The following BMS1 variants were observed in gnomAD, a reference collection of about 807,000 sequenced individuals.
BMS1 encodes the protein BMS1 ribosome biogenesis factor, also known as ribosome biogenesis protein BMS1 homolog.
BMS1 carries 53 observed loss-of-function variants against 138.7 expected under a neutral mutation model. The ratio of observed to expected loss-of-function variants is 0.38; its 90% CI spans 0.31 to 0.48. BMS1 has a LOEUF of 0.48. Among genes scored for constraint, BMS1 ranks in the 20% least tolerant of loss-of-function variants. The pLI, the probability that BMS1 is intolerant of heterozygous loss-of-function variation, is 0.97. For missense variants in BMS1, 1,360 were observed against 1,565.5 expected (o/e 0.87, Z 2.22); for synonymous variants, 504 against 539.9 (o/e 0.93, Z 0.92).
Position 42,823,719 on chromosome 10 carries a change from A to C in BMS1, c.3391A>C (p.Thr1131Pro), listed in dbSNP as rs2132386459. 2 of 1,596,022 alleles carry C rather than the reference A, an allele frequency of 1.3e-6. No homozygotes were observed. Among genetic ancestry groups the C allele is most frequent in the Non-Finnish European group, 1.7e-6 (2 of 1,179,588 alleles). The stretch of plus-strand genomic sequence containing the variant: ...GAAAGACACCTGGTCAGGAATGCGG[A>C]CCACGGGCCAACTCAGGCTCGCCCA... Reference protein sequence around the residue: ...GEKDTWSGMRTTGQLRLAHGV... With the variant: ...GEKDTWSGMRPTGQLRLAHGV... The change falls in exon 21 of 23, where the codon ACC (threonine) becomes CCC (proline). Residue 1131 changes from threonine (T) to proline (P), a missense_variant. This residue lies in a region of BMS1 where 425 missense variants were observed against 568.3 expected (regional missense o/e 0.75). Coordinates refer to ENST00000374518, the MANE Select transcript of BMS1 (RefSeq NM_014753.4).
rs41302247 is a variant in BMS1, at chr10:42,784,362, G to A, written c.-33G>A. Reference sequence around the variant, plus strand: ...CTTACCCCAACCTTCTTCCTTGTAGGTTAGAGTTACTTGTTATTGGTAAAT... The same window carrying A: ...CTTACCCCAACCTTCTTCCTTGTAGATTAGAGTTACTTGTTATTGGTAAAT... On this transcript the variant is annotated splice_region_variant and 5_prime_UTR_variant, in exon 2 of 23. Coordinates refer to ENST00000374518, the MANE Select transcript of BMS1 (RefSeq NM_014753.4). 2.2e-3 allele frequency: 3,487 copies of A among 1,568,572 alleles called. 97 individuals carry two copies. The South Asian group carries it at 0.032, about 15-fold the overall frequency.
intron 21 of BMS1, among the ~76,000 whole-genome samples, chr10:42,827,922 T>C (rs1219453374): frequency 6.6e-5 from 10 of 152,224 alleles, no homozygotes; most frequent in African/African-American, 1.7e-4. Flanking sequence ...ACCATATACA[T>C]GTATTTTTAA....
chr10:42,819,535 G>T (rs1417566522), intron 15 of BMS1, among the ~76,000 whole-genome samples: 1 of 152,196 alleles, frequency 6.6e-6, no homozygotes, highest in Non-Finnish European at 1.5e-5. Context: ...AGGTTCTTTT[G>T]GTTTTGGAGT....
At chr10:42,820,165 T>A in intron 15 of BMS1, 71 bp from the exon 16 acceptor site, 1 of 1,554,566 alleles carries the variant, frequency 6.4e-7, no homozygotes, top group Non-Finnish European at 8.7e-7. Context: ...AAATTGCTCA[T>A]TTGTTCATGT....
Position 42,817,420 on chromosome 10 carries a change from T to C in BMS1, c.2506T>C (p.Phe836Leu), listed in dbSNP as rs1271167450. 5.6e-6 allele frequency: 9 copies of C among 1,609,580 alleles called. No individual in the cohort carries two copies. Among genetic ancestry groups the C allele is most frequent in the Non-Finnish European group, 7.6e-6 (9 of 1,179,320 alleles). ...LDKKRKLKEM[F>L]DAEYDEGEST... The stretch of plus-strand genomic sequence containing the variant: ...TAAGAAGAGAAAATTGAAGGAGATG[T>C]TTGATGCAGAATATGATGAAGGAGA... Residue 836 changes from phenylalanine to leucine, a missense_variant, in exon 15 of 23, where the codon TTT becomes CTT. Around this residue, in one of 3 missense-constraint regions of BMS1, gnomAD observed 425 missense variants for 568.3 expected, o/e 0.75. Transcript: ENST00000374518.
At position 42,817,358 on chromosome 10, in the gene BMS1, C is replaced by T. The variant is rs767927471; in HGVS notation, c.2444C>T (p.Pro815Leu). ...AAAGAAGTTAAGGAAGAAATTGACC[C>T]CGACGAAGAAGAAAGTGCCAAGAAA... ...IEKEVKEEID[P>L]DEEESAKKKH... The change falls in exon 15 of 23, where the codon CCC becomes CTC. Residue 815 changes from proline (P) to leucine (L), a missense_variant. Pro to Leu is a moderately conservative substitution (Grantham distance 98, BLOSUM62 -3). This residue lies in a region of BMS1 where 697 missense variants were observed against 686.2 expected (regional missense o/e 1.02). Coordinates refer to ENST00000374518, the MANE Select transcript of BMS1 (RefSeq NM_014753.4). The T allele has an allele frequency of 3.7e-6, 6 of 1,607,018 alleles. No homozygotes were observed. The African/African-American group carries it at 6.7e-5, about 18-fold the overall frequency.
chr10:42,819,489 A>G (rs1842440596), intron 15 of BMS1, among the ~76,000 whole-genome samples: 1 of 152,170 alleles, frequency 6.6e-6, no homozygotes, highest in Admixed American at 6.5e-5. Flanking sequence ...ATAAGGCTGG[A>G]TATGGGAGGA....
Position 42,790,486 on chromosome 10 carries a change from A to G in BMS1, c.611A>G (p.His204Arg). ...AAGAAGACAAAGAAGCGATTAAAAC[A>G]CAGGTTCTGGACGGAAGTTTACCCG... is the stretch of plus-strand genomic sequence containing the variant. ...QLKKTKKRLKHRFWTEVYPGA... is the reference protein window; with the variant it reads ...QLKKTKKRLKRRFWTEVYPGA... The change falls in exon 5 of 23, where the codon CAC (histidine) becomes CGC (arginine). Residue 204 changes from histidine (H) to arginine (R), a missense_variant. Coordinates refer to ENST00000374518, the MANE Select transcript of BMS1 (RefSeq NM_014753.4). 3.7e-6 allele frequency: 6 copies of G among 1,614,012 alleles called. No homozygotes were observed. The highest frequency in any genetic ancestry group is 1.1e-5 in the South Asian group (1 of 91,078).
intron 13 of BMS1, among the ~76,000 whole-genome samples, chr10:42,804,253 A>G (rs941949728): frequency 5.3e-5 from 8 of 152,270 alleles, no homozygotes; most frequent in African/African-American, 1.7e-4. Flanking sequence ...TAAGTAGTTC[A>G]GAATGGACTA....
At chr10:42,821,187 T>C (rs1420671950) in intron 18 of BMS1, among the ~76,000 whole-genome samples, 195 bp downstream of exon 18, 4 of 152,228 alleles carry the variant, frequency 2.6e-5, no homozygotes, top group African/African-American at 9.6e-5. Flanking sequence ...GGAAGAATTA[T>C]AATGGTACAT....
chr10:42,804,406 A>C (rs1035148761), intron 13 of BMS1, among the ~76,000 whole-genome samples: 5 of 152,190 alleles, frequency 3.3e-5, no homozygotes, highest in African/African-American at 1.2e-4. Flanking sequence ...AGTACCTGAT[A>C]GTATCAGTCT....
chr10:42,829,310 CA>C (rs575009105), intron 21 of BMS1, among the ~76,000 whole-genome samples: 17 of 145,390 alleles, frequency 1.2e-4, no homozygotes, highest in South Asian at 2.2e-4. Context: ...GACTCCATCT[CA>C]AAAAAAAAAG....
chr10:42,803,391 A>G (rs1377459840), intron 13 of BMS1, among the ~76,000 whole-genome samples: 2 of 152,136 alleles, frequency 1.3e-5, no homozygotes, highest in Non-Finnish European at 2.9e-5. Flanking sequence ...TTCCCGCCTT[A>G]GCCTTCCAAA....
chr10:42,806,518 C>T (rs953687565), intron 13 of BMS1, among the ~76,000 whole-genome samples: 3 of 151,904 alleles, frequency 2.0e-5, no homozygotes, highest in South Asian at 4.2e-4. Context: ...GGGCGGATCA[C>T]GAGGTCAGGA....
At chr10:42,821,992 T>C in intron 18 of BMS1, 70 bp from the exon 19 acceptor site, 2 of 1,415,544 alleles carry the variant, frequency 1.4e-6, no homozygotes, top group South Asian at 1.2e-5. Context: ...TAATTTATTG[T>C]GTCACATAGA....
intron 21 of BMS1, among the ~76,000 whole-genome samples, chr10:42,826,007 T>C (rs1000004809): frequency 6.6e-6 from 1 of 152,252 alleles, no homozygotes; most frequent in Non-Finnish European, 1.5e-5. Context: ...ATGCTTTTTC[T>C]GCATCAATTG....
intron 13 of BMS1, among the ~76,000 whole-genome samples, chr10:42,802,644 T>C (rs1329713980): frequency 6.6e-6 from 1 of 152,042 alleles, no homozygotes; most frequent in Non-Finnish European, 1.5e-5. Flanking sequence ...CTTCTAGTCA[T>C]TTAAAAATTG....
At chr10:42,816,578 C>T (rs752342923) in intron 13 of BMS1, 21 bp from the exon 14 acceptor site, 32 of 1,600,676 alleles carry the variant, frequency 2.0e-5, no homozygotes, top group Middle Eastern at 2.3e-4. Flanking sequence ...ACAGAGCAGC[C>T]TTTGGGTGTT....
At chr10:42,818,987 G>A (rs1820781805) in intron 15 of BMS1, among the ~76,000 whole-genome samples, 1 of 152,210 alleles carries the variant, frequency 6.6e-6, no homozygotes, top group African/African-American at 2.4e-5. Flanking sequence ...GAGTCCTTCA[G>A]CGTGGAGGCC....
Sources: gnomAD v4.1 joint callset for allele counts (sites outside exome capture counted in the v4.1 genomes callset) on GRCh38, gnomAD v4.1.1 for gene constraint, gnomAD v4.1.1 regional missense constraint, MANE v1.5 for transcripts, NCBI Gene and HGNC (gene_info 2026-07-23, HGNC 2026-07-21) for gene names.